ANKRD31: variants seen among roughly 807,000 people sequenced by gnomAD.
The protein encoded by ANKRD31 is ankyrin repeat domain 31.
ANKRD31 carries 147 observed loss-of-function variants against 186.0 expected under a neutral mutation model. The ratio of observed to expected loss-of-function variants is 0.79; its 90% CI spans 0.69 to 0.91. The LOEUF (loss-of-function observed/expected upper bound fraction) is 0.91, where lower values mean the gene tolerates loss of function less well. ANKRD31 is among the 40% of genes least tolerant of loss of function. The pLI is 0.00. For missense variants in ANKRD31, 1,986 were observed against 2,148.8 expected (o/e 0.92, Z 1.50); for synonymous variants, 673 against 736.4 (o/e 0.91, Z 1.39).
chr5:75,236,872 G>C lies in ANKRD31; in HGVS notation c.-186C>G. ...AGGCGGCCGCGAGCGCGGCGGGGTA[G>C]CAGTCTGCGAGGCGGCCCGCGGGTC... On this transcript the variant is annotated 5_prime_UTR_variant, in exon 1 of 26. Coordinates refer to ENST00000506364, the MANE Select transcript of ANKRD31 (RefSeq NM_001372053.1). The C allele has an allele frequency of 2.2e-6, 1 of 449,446 alleles. No individual in the cohort carries two copies. Among genetic ancestry groups the C allele is most frequent in the Non-Finnish European group, 3.8e-6 (1 of 263,264 alleles). The allele number at this position is 449,446 out of a possible 1,614,324, so 27.8% of individuals were successfully genotyped here.
At chr5:75,181,351 G>C (rs1754277541) in intron 10 of ANKRD31, among the ~76,000 whole-genome samples, 1 of 152,082 alleles carries the variant, frequency 6.6e-6, no homozygotes, top group Non-Finnish European at 1.5e-5. Context: ...TCTAGAACTA[G>C]AAATACCATT....
At position 75,156,655 on chromosome 5, in the gene ANKRD31, C is replaced by T. The variant is rs138425808; in HGVS notation, c.1708-2310G>A. Among the ~76,000 whole-genome samples, 838 of 152,232 alleles carry T rather than the reference C, an allele frequency of 5.5e-3. 13 individuals are homozygous for T. Among genetic ancestry groups the T allele is most frequent in the Middle Eastern group, 0.02 (6 of 294 alleles). On this transcript the variant is annotated intron_variant, in intron 11 of 25. Transcript: ENST00000506364. ...AGCCTTAAATACCATCACAAGCATC[C>T]TTAAGAAAGAGGCTGAGCAGGATTT...
At chr5:75,182,842 T>C (rs116776041) in intron 10 of ANKRD31, among the ~76,000 whole-genome samples, 3,680 of 152,224 alleles carry the variant, frequency 0.024, 140 homozygotes, top group African/African-American at 0.084. Context: ...AGTAAACATA[T>C]GGCTTCCAAG....
intron 11 of ANKRD31, among the ~76,000 whole-genome samples, chr5:75,160,709 C>A (rs887720479): frequency 2.6e-5 from 4 of 152,148 alleles, no homozygotes; most frequent in South Asian, 2.1e-4. Context: ...CAAATCTCAT[C>A]TTGAATTGTA....
chr5:75,215,441 C>A (rs1357850786), intron 3 of ANKRD31, among the ~76,000 whole-genome samples: 1 of 152,170 alleles, frequency 6.6e-6, no homozygotes, highest in African/African-American at 2.4e-5. Flanking sequence ...TCTCCATTAT[C>A]TCTCCAGGCA....
At chr5:75,235,953 G>A (rs540639056) in intron 1 of ANKRD31, among the ~76,000 whole-genome samples, 8 of 152,180 alleles carry the variant, frequency 5.3e-5, no homozygotes, top group South Asian at 4.1e-4. Flanking sequence ...GAGAGGGAAA[G>A]GAGAATGACC....
intron 5 of ANKRD31, among the ~76,000 whole-genome samples, chr5:75,203,662 C>CAAAAAA (rs112986947): frequency 2.0e-5 from 2 of 98,936 alleles, no homozygotes; most frequent in South Asian, 3.3e-4. Context: ...GGATCCATCT[C>CAAAAAA]AAAAAAAAAA....
At chr5:75,184,361 A>C (rs1277609100) in intron 10 of ANKRD31, among the ~76,000 whole-genome samples, 1 of 152,180 alleles carries the variant, frequency 6.6e-6, no homozygotes, top group East Asian at 1.9e-4. Flanking sequence ...AGACCTTAAA[A>C]GCACAGGCAA....
intron 3 of ANKRD31, among the ~76,000 whole-genome samples, chr5:75,211,317 C>T (rs1357103522): frequency 2.0e-5 from 3 of 152,194 alleles, no homozygotes; most frequent in Non-Finnish European, 4.4e-5. Context: ...CATGTATCTG[C>T]ATTTTCTTCC....
intron 3 of ANKRD31, among the ~76,000 whole-genome samples, chr5:75,220,852 C>G (rs1252756681): frequency 6.6e-6 from 1 of 152,106 alleles, no homozygotes; most frequent in African/African-American, 2.4e-5. Context: ...GTAACCCCAG[C>G]ACTTTGGGAG....
intron 20 of ANKRD31, among the ~76,000 whole-genome samples, chr5:75,110,012 C>A (rs1464974915): frequency 3.3e-5 from 5 of 152,134 alleles, no homozygotes; most frequent in African/African-American, 1.2e-4. Context: ...CAACCACAGT[C>A]AGTAATTAGT....
At chr5:75,173,363 G>C (rs1379200064) in intron 10 of ANKRD31, among the ~76,000 whole-genome samples, 2 of 152,090 alleles carry the variant, frequency 1.3e-5, no homozygotes, top group East Asian at 1.9e-4. Context: ...ATTCAACATA[G>C]TGTTGGAAAT....
rs143863390 is a variant in ANKRD31, at chr5:75,132,266, T to C, written c.3876+5590A>G. Reference sequence around the variant, plus strand: ...ACTCATCGCAAAGAACCTAAAAACCTTGAAAGAAGATTAGACGAATGGCTA... The same window carrying C: ...ACTCATCGCAAAGAACCTAAAAACCCTGAAAGAAGATTAGACGAATGGCTA... On this transcript the variant is annotated intron_variant, in intron 17 of 25. Transcript: ENST00000506364. 2.6e-3 allele frequency among the ~76,000 whole-genome samples: 399 copies of C among 152,164 alleles called. 3 individuals are homozygous for C. The East Asian group carries it at 0.034, about 13-fold the overall frequency.
intron 20 of ANKRD31, 117 bp from the exon 21 acceptor site, chr5:75,107,734 CA>C: frequency 1.7e-6 from 1 of 597,940 alleles, no homozygotes; most frequent in South Asian, 2.2e-5. Flanking sequence ...TGATCTTCCC[CA>C]ATATTAATAG....
intron 22 of ANKRD31, among the ~76,000 whole-genome samples, chr5:75,100,536 C>T (rs1211459342): frequency 6.6e-6 from 1 of 152,062 alleles, no homozygotes; most frequent in Non-Finnish European, 1.5e-5. Context: ...TAAAGTCTCC[C>T]ATTATTATTG....
chr5:75,149,205 G>T (rs1373376318), intron 12 of ANKRD31, among the ~76,000 whole-genome samples: 4 of 151,798 alleles, frequency 2.6e-5, no homozygotes, highest in African/African-American at 9.7e-5. Flanking sequence ...TGTAATAAAA[G>T]TAGCATTAAA....
intron 12 of ANKRD31, among the ~76,000 whole-genome samples, chr5:75,149,092 GCCAA>G (rs1350906350): frequency 6.6e-6 from 1 of 151,812 alleles, no homozygotes; most frequent in African/African-American, 2.4e-5. Context: ...GATGGAAAAG[GCCAA>G]CCGTCTTGTG....
At chr5:75,134,243 A>C (rs9799774) in intron 17 of ANKRD31, among the ~76,000 whole-genome samples, 8 of 152,196 alleles carry the variant, frequency 5.3e-5, no homozygotes, top group African/African-American at 1.9e-4. Flanking sequence ...TTTTGAAAGC[A>C]TCAACAAAAT....
intron 17 of ANKRD31, among the ~76,000 whole-genome samples, chr5:75,126,599 A>G (rs747234671): frequency 6.6e-5 from 10 of 152,206 alleles, no homozygotes; most frequent in Admixed American, 2.0e-4. Flanking sequence ...TTAGGTAAAA[A>G]AACACCAAGG....
Sources: gnomAD v4.1 joint callset for allele counts (sites outside exome capture counted in the v4.1 genomes callset) on GRCh38, gnomAD v4.1.1 for gene constraint, MANE v1.5 for transcripts, NCBI Gene and HGNC (gene_info 2026-07-23, HGNC 2026-07-21) for gene names.